PVT1: variants seen among roughly 807,000 people sequenced by gnomAD.
The protein encoded by PVT1 is Pvt1 oncogene, also known as CXCR4/PVT1 fusion.
At chr8:127,952,115 A>G (rs988984381) in intron 3 of PVT1, among the ~76,000 whole-genome samples, 1 of 152,154 alleles carries the variant, frequency 6.6e-6, no homozygotes, top group African/African-American at 2.4e-5. Context: ...CGCCTGGCCA[A>G]AAAACAGAAT....
intron 3 of PVT1, among the ~76,000 whole-genome samples, chr8:127,922,439 TA>T (rs1484992734): frequency 1.3e-5 from 2 of 152,136 alleles, no homozygotes; most frequent in Non-Finnish European, 2.9e-5. Context: ...GGACCTATTT[TA>T]AGTGGGTTCT....
At chr8:127,929,678 G>T (rs546119614) in intron 3 of PVT1, among the ~76,000 whole-genome samples, 9 of 152,210 alleles carry the variant, frequency 5.9e-5, no homozygotes, top group Admixed American at 2.6e-4. Flanking sequence ...TGAGGCAGGA[G>T]AATGGCGTGA....
At chr8:127,865,667 G>T (rs1815279183) in intron 2 of PVT1, among the ~76,000 whole-genome samples, 1 of 152,236 alleles carries the variant, frequency 6.6e-6, no homozygotes, top group South Asian at 2.1e-4. Context: ...ACACAGTCCT[G>T]CTAACACTCA....
chr8:127,923,300 G>A (rs1816087996), intron 3 of PVT1, among the ~76,000 whole-genome samples: 2 of 152,238 alleles, frequency 1.3e-5, no homozygotes, highest in Non-Finnish European at 2.9e-5. Context: ...CCATTCATTT[G>A]TGCTTCACAG....
intron 3 of PVT1, among the ~76,000 whole-genome samples, chr8:127,988,606 A>G (rs977589648): frequency 1.3e-5 from 2 of 152,234 alleles, no homozygotes; most frequent in Non-Finnish European, 2.9e-5. Flanking sequence ...TGTTTCCTGA[A>G]TAATGCATGA....
In PVT1 at chr8:128,044,565, C is replaced by G. The variant is rs184708567; in HGVS notation, n.913-25595C>G. Among the ~76,000 whole-genome samples, 48 of 152,296 alleles carry G rather than the reference C, an allele frequency of 3.2e-4. 1 individual carries two copies. The highest frequency in any genetic ancestry group is 8.8e-5 in the Non-Finnish European group (6 of 68,028). ...AATCTAAATCATTACTACCTCCCTG[C>G]TGGTAACAAACAAAACCTCAGCACA... On this transcript the variant is annotated intron_variant and non_coding_transcript_variant, in intron 4 of 10. Transcript: ENST00000651587.
chr8:127,797,988 G>A (rs1479480315), intron 2 of PVT1, among the ~76,000 whole-genome samples: 1 of 152,134 alleles, frequency 6.6e-6, no homozygotes, highest in Non-Finnish European at 1.5e-5. Context: ...ACTCTCAGAA[G>A]TTAGAGGATA....
chr8:127,850,961 C>T (rs1018903236), intron 2 of PVT1, among the ~76,000 whole-genome samples: 13 of 150,378 alleles, frequency 8.6e-5, no homozygotes, highest in African/African-American at 2.7e-4. Flanking sequence ...GAGCCAAGAT[C>T]GTGCCATAGC....
chr8:128,097,933 C>T (rs890983895), intron 6 of PVT1, among the ~76,000 whole-genome samples: 12 of 152,172 alleles, frequency 7.9e-5, no homozygotes, highest in African/African-American at 2.9e-4. Flanking sequence ...AGATTTCCTG[C>T]AGGGACTTAG....
At chr8:127,868,220 C>T (rs1363847278) in intron 2 of PVT1, among the ~76,000 whole-genome samples, 1 of 152,106 alleles carries the variant, frequency 6.6e-6, no homozygotes, top group African/African-American at 2.4e-5. Context: ...TTAGCACTAG[C>T]TCTCTGAGCT....
At chr8:127,849,366 G>A (rs1490942061) in intron 2 of PVT1, among the ~76,000 whole-genome samples, 1 of 152,140 alleles carries the variant, frequency 6.6e-6, no homozygotes, top group East Asian at 1.9e-4. Flanking sequence ...GACCCTCATA[G>A]GCTTCCACTT....
intron 4 of PVT1, among the ~76,000 whole-genome samples, chr8:128,025,814 G>T (rs1379358138): frequency 6.6e-6 from 1 of 152,196 alleles, no homozygotes; most frequent in Non-Finnish European, 1.5e-5. Flanking sequence ...TGTGAATGGA[G>T]CATTCTTTTT....
intron 5 of PVT1, among the ~76,000 whole-genome samples, chr8:128,090,265 C>G (rs2720676): frequency 0.2 from 30,557 of 152,198 alleles, 3,553 homozygotes; most frequent in East Asian, 0.43. Flanking sequence ...TAACTCCACG[C>G]AAGACTGTCT....
At chr8:128,029,347 C>T (rs1461158028) in intron 4 of PVT1, among the ~76,000 whole-genome samples, 5 of 150,936 alleles carry the variant, frequency 3.3e-5, no homozygotes, top group Non-Finnish European at 5.9e-5. Context: ...AGGCTGGTCT[C>T]GAACTCCTGG....
At chr8:128,044,020 T>TTA (rs1813581776) in intron 4 of PVT1, among the ~76,000 whole-genome samples, 1 of 146,728 alleles carries the variant, frequency 6.8e-6, no homozygotes, top group Non-Finnish European at 1.5e-5. Flanking sequence ...TATTTATTTT[T>TTA]TTTTTTTTTT....
intron 2 of PVT1, among the ~76,000 whole-genome samples, chr8:127,876,630 T>C (rs1219409499): frequency 6.6e-6 from 1 of 152,004 alleles, no homozygotes; most frequent in East Asian, 1.9e-4. Context: ...TCCTGGCCCC[T>C]CCAGTTCTGA....
At chr8:127,907,065 A>G (rs767331527) in intron 3 of PVT1, among the ~76,000 whole-genome samples, 32 of 151,898 alleles carry the variant, frequency 2.1e-4, no homozygotes, top group Non-Finnish European at 4.4e-4. Flanking sequence ...GGCTCAAGCA[A>G]TTCTCCTGTC....
At chr8:127,866,339 C>G (rs912929356) in intron 2 of PVT1, among the ~76,000 whole-genome samples, 2 of 151,980 alleles carry the variant, frequency 1.3e-5, no homozygotes. Flanking sequence ...GCTTTCCTGC[C>G]CCTGACCCAC....
chr8:127,932,926 A>G (rs1008991098), intron 3 of PVT1, among the ~76,000 whole-genome samples: 1 of 152,174 alleles, frequency 6.6e-6, no homozygotes, highest in African/African-American at 2.4e-5. Context: ...ATTGTCAGGC[A>G]TTAGGGATTT....
Sources: allele counts gnomAD v4.1 joint callset (sites outside exome capture counted in the v4.1 genomes callset), GRCh38; gene constraint gnomAD v4.1.1; transcripts MANE v1.5; gene names NCBI Gene and HGNC (gene_info 2026-07-23, HGNC 2026-07-21).